NOL10: variants seen among roughly 807,000 people sequenced by gnomAD.
The protein encoded by NOL10 is nucleolar protein 10, also known as H_NH0074G24.1.
A neutral mutation model predicts 103.5 loss-of-function variants in NOL10; 58 were observed. The ratio of observed to expected loss-of-function variants is 0.56; its 90% confidence interval spans 0.45 to 0.70. The LOEUF is 0.70. NOL10 is among the 30% of genes least tolerant of loss of function. NOL10 has a pLI of 0.00. For synonymous variants in NOL10, 287 were observed against 282.5 expected (o/e 1.02, Z -0.16); for missense variants, 763 against 807.3 (o/e 0.95, Z 0.67).
chr2:10,641,248 CAGA>C (rs1351886048), intron 13 of NOL10, among the ~76,000 whole-genome samples: 1 of 150,832 alleles, frequency 6.6e-6, no homozygotes, highest in Non-Finnish European at 1.5e-5. Context: ...GAGGCTGAGG[CAGA>C]AGAATTGCTT....
chr2:10,587,068 C>CAT (rs760492547), intron 19 of NOL10, among the ~76,000 whole-genome samples: 1,530 of 23,858 alleles, frequency 0.064, 141 homozygotes, highest in East Asian at 0.16. Flanking sequence ...TATATATATA[C>CAT]ATATATATAC....
Position 10,589,572 on chromosome 2 carries a change from C to T in NOL10, c.1596+6G>A, listed in dbSNP as rs780385662. ...AGCAAATTCTAACTGATAAGGAGTA[C>T]ATTACTTTTTCACGAAGTTCTTGTT... On this transcript the variant is annotated splice_donor_region_variant and intron_variant, in intron 18 of 20. Coordinates refer to ENST00000381685, the MANE Select transcript of NOL10 (RefSeq NM_024894.4). 10 of 1,552,090 alleles carry T rather than the reference C, an allele frequency of 6.4e-6. No homozygotes were observed. The South Asian group carries it at 1.3e-4, about 20-fold the overall frequency.
chr2:10,682,404 T>C (rs1347404308), intron 2 of NOL10, among the ~76,000 whole-genome samples: 1 of 150,412 alleles, frequency 6.6e-6, no homozygotes, highest in Non-Finnish European at 1.5e-5. Flanking sequence ...AACCACTTTT[T>C]TTTTTTTTTT....
chr2:10,573,999 G>A (rs1187456663), intron 20 of NOL10, among the ~76,000 whole-genome samples: 2 of 141,906 alleles, frequency 1.4e-5, no homozygotes, highest in Non-Finnish European at 3.0e-5. Context: ...GTTCAGTCCT[G>A]TGCTTACTGA....
rs747845537 is a variant in NOL10 at position 10,572,080 on chromosome 2, C to T, written c.2058G>A (p.Ser686=). 1.0e-4 allele frequency: 165 copies of T among 1,613,562 alleles called. 3 individuals are homozygous for T. In the South Asian group the frequency reaches 1.1e-3, roughly 10 times the overall value. The change falls in exon 21 of 21, where the codon TCG becomes TCA. Residue 686 remains serine, a synonymous_variant. Coordinates refer to ENST00000381685, the MANE Select transcript of NOL10 (RefSeq NM_024894.4). ...HLKSRHKRGR[S]FH ...AGGACCACTTCCCAAATCAATGAAACGACCGTCCTCTTTTGTGTCTTGACT... is the reference window on the plus strand; with the variant it reads ...AGGACCACTTCCCAAATCAATGAAATGACCGTCCTCTTTTGTGTCTTGACT...
At chr2:10,646,791 G>A (rs1163860721) in intron 12 of NOL10, among the ~76,000 whole-genome samples, 1 of 152,122 alleles carries the variant, frequency 6.6e-6, no homozygotes, top group East Asian at 1.9e-4. Flanking sequence ...CATAACATGG[G>A]ACTCTGACAC....
At chr2:10,628,910 G>A (rs1246057847) in intron 13 of NOL10, among the ~76,000 whole-genome samples, 1 of 152,118 alleles carries the variant, frequency 6.6e-6, no homozygotes, top group Non-Finnish European at 1.5e-5. Context: ...AATGCATGGG[G>A]GAGAAGGTAA....
intron 18 of NOL10, 74 bp from the exon 19 acceptor site, chr2:10,589,364 C>G: frequency 6.4e-7 from 1 of 1,571,622 alleles, no homozygotes; most frequent in Non-Finnish European, 8.6e-7. Context: ...TCTGAAGCAG[C>G]ACTGGCCCAT....
chr2:10,643,333 A>G (rs772361169), intron 13 of NOL10, among the ~76,000 whole-genome samples: 21 of 152,216 alleles, frequency 1.4e-4, no homozygotes, highest in Non-Finnish European at 2.8e-4. Context: ...GCAAGATGAT[A>G]GTGGTTACAG....
At chr2:10,672,788 T>C (rs112788789) in intron 5 of NOL10, among the ~76,000 whole-genome samples, 17,478 of 151,992 alleles carry the variant, frequency 0.11, 1,117 homozygotes, top group South Asian at 0.23. Flanking sequence ...AGGTCAAGAG[T>C]TTGAGACCAG....
At chr2:10,686,484 T>C (rs540426613) in intron 1 of NOL10, among the ~76,000 whole-genome samples, 6 of 152,172 alleles carry the variant, frequency 3.9e-5, no homozygotes, top group Admixed American at 3.9e-4. Flanking sequence ...AGGACTCTGC[T>C]TTTCACCCCC....
At chr2:10,584,669 A>G (rs1442713999) in intron 19 of NOL10, among the ~76,000 whole-genome samples, 6 of 152,214 alleles carry the variant, frequency 3.9e-5, no homozygotes, top group African/African-American at 1.4e-4. Context: ...CCAAATACTC[A>G]TGTAAATATT....
intron 13 of NOL10, among the ~76,000 whole-genome samples, chr2:10,613,559 G>A (rs1676679924): frequency 6.6e-6 from 1 of 152,164 alleles, no homozygotes; most frequent in Non-Finnish European, 1.5e-5. Context: ...ACACTAAATA[G>A]TAAGAATGTA....
chr2:10,579,483 C>A (rs1316913705), intron 19 of NOL10, among the ~76,000 whole-genome samples: 1 of 151,874 alleles, frequency 6.6e-6, no homozygotes, highest in Non-Finnish European at 1.5e-5. Flanking sequence ...CAGTTTTGTT[C>A]AGGAAACTTG....
intron 3 of NOL10, 95 bp from the exon 4 acceptor site, chr2:10,675,966 AG>A (rs759263258): frequency 4.9e-5 from 29 of 591,718 alleles, no homozygotes; most frequent in Non-Finnish European, 7.8e-5. Flanking sequence ...AGAGACAGGC[AG>A]GATTAATTGT....
chr2:10,662,883 A>G (rs1680295240), intron 9 of NOL10, 76 bp downstream of exon 9: 2 of 1,091,020 alleles, frequency 1.8e-6, no homozygotes, highest in Non-Finnish European at 2.7e-6. Flanking sequence ...GTAGCAATTT[A>G]TTTGAATTTA....
intron 13 of NOL10, among the ~76,000 whole-genome samples, chr2:10,632,536 A>C (rs1677917120): frequency 6.6e-6 from 1 of 152,212 alleles, no homozygotes; most frequent in African/African-American, 2.4e-5. Context: ...ACAACTTTGC[A>C]AATTGTAAGT....
chr2:10,649,276 A>G (rs1679298644), intron 12 of NOL10, among the ~76,000 whole-genome samples: 1 of 147,988 alleles, frequency 6.8e-6, no homozygotes, highest in Admixed American at 6.8e-5. Flanking sequence ...AAAGATGTTC[A>G]TTCTACCAGT....
At chr2:10,669,017 A>AT (rs1680736064) in intron 6 of NOL10, among the ~76,000 whole-genome samples, 1 of 152,134 alleles carries the variant, frequency 6.6e-6, no homozygotes, top group African/African-American at 2.4e-5. Context: ...ACATATGTAT[A>AT]TAAGAAAGGA....
Sources: allele counts gnomAD v4.1 joint callset (sites outside exome capture counted in the v4.1 genomes callset), GRCh38; gene constraint gnomAD v4.1.1; transcripts MANE v1.5; gene names NCBI Gene and HGNC (gene_info 2026-07-23, HGNC 2026-07-21).